SMPD3: variants seen among roughly 807,000 people sequenced by gnomAD.
SMPD3 encodes sphingomyelin phosphodiesterase 3, also known as nSMase-2.
A neutral mutation model predicts 55.7 loss-of-function variants in SMPD3; 21 were observed. The ratio of observed to expected loss-of-function variants is 0.38; its 90% confidence interval spans 0.27 to 0.54. The LOEUF (loss-of-function observed/expected upper bound fraction) is 0.54. Among genes scored for constraint, SMPD3 ranks in the 20% least tolerant of loss-of-function variants. The pLI, the probability that SMPD3 is intolerant of heterozygous loss-of-function variation, is 0.80. For missense variants in SMPD3, 842 were observed against 899.6 expected, an observed-to-expected ratio of 0.94 and a Z score of 0.82; for synonymous variants, 457 against 404.3, an observed-to-expected ratio of 1.13 and a Z score of -1.56.
intron 2 of SMPD3, among the ~76,000 whole-genome samples, chr16:68,374,089 C>A (rs551464185): frequency 1.3e-5 from 2 of 152,348 alleles, no homozygotes; most frequent in East Asian, 3.9e-4. Context: ...CAGCAGACCG[C>A]AAGCTTCAGG....
intron 3 of SMPD3, chr16:68,368,806 C>T (rs60507739): frequency 0.018 from 2,700 of 152,266 alleles, 109 homozygotes; most frequent in African/African-American, 0.061. Flanking sequence ...AACCCCACTG[C>T]GGGGCAGCCA....
At chr16:68,435,076 T>C (rs2090511789) in intron 1 of SMPD3, among the ~76,000 whole-genome samples, 1 of 152,078 alleles carries the variant, frequency 6.6e-6, no homozygotes, top group South Asian at 2.1e-4. Flanking sequence ...TCATCACTAC[T>C]ACCTGTGTTT....
At chr16:68,419,497 C>CAG (rs1429877058) in intron 1 of SMPD3, among the ~76,000 whole-genome samples, 1 of 152,192 alleles carries the variant, frequency 6.6e-6, no homozygotes, top group Non-Finnish European at 1.5e-5. Context: ...AACGCCTAGC[C>CAG]AGAGGGATGG....
At chr16:68,361,401 G>A in intron 8 of SMPD3, 94 bp from the exon 9 acceptor site, 1 of 1,392,172 alleles carries the variant, frequency 7.2e-7, no homozygotes, top group Non-Finnish European at 9.9e-7. Context: ...GAGGCCCCGG[G>A]GCTGGGGTGG....
rs766355838 is a variant in SMPD3, at chr16:68,371,477, G to A, written c.705C>T (p.Asp235=). The change falls in exon 3 of 9, where the codon GAC becomes GAT. Residue 235 remains aspartate, a synonymous_variant. Transcript: ENST00000219334. ...TGCAGGCATCCTCCGGGCTGCTGCT[G>A]TCGACAGGGTCCCCAGAGGCTGGGC... The part of the protein sequence containing the change: ...ANGPASGDPV[D]SSSPEDACIV... The A allele has an allele frequency of 4.6e-5, 73 of 1,598,238 alleles. No homozygotes were observed. The highest frequency in any genetic ancestry group is 5.9e-5 in the Non-Finnish European group (69 of 1,179,486).
At chr16:68,408,698 A>G (rs2090272392) in intron 1 of SMPD3, among the ~76,000 whole-genome samples, 2 of 152,200 alleles carry the variant, frequency 1.3e-5, no homozygotes, top group Admixed American at 1.3e-4. Context: ...GTCTGCCCAG[A>G]CAGTGCCTGG....
chr16:68,417,366 C>T (rs1176209916), intron 1 of SMPD3, among the ~76,000 whole-genome samples: 1 of 152,182 alleles, frequency 6.6e-6, no homozygotes. Context: ...CCCGACTCAG[C>T]TAAGAGGGGC....
At chr16:68,418,217 C>A (rs766095039) in intron 1 of SMPD3, among the ~76,000 whole-genome samples, 1 of 152,048 alleles carries the variant, frequency 6.6e-6, no homozygotes, top group Non-Finnish European at 1.5e-5. Flanking sequence ...TCACAGCAGA[C>A]GGTGTGCCGC....
At position 68,364,828 on chromosome 16, in the gene SMPD3, G is replaced by A; in HGVS notation, c.1478C>T (p.Ser493Phe). The A allele has an allele frequency of 6.2e-7, 1 of 1,613,902 alleles. No individual in the cohort carries two copies. Among genetic ancestry groups the A allele is most frequent in the Non-Finnish European group, 8.5e-7 (1 of 1,180,024 alleles). Reference sequence around the variant, plus strand: ...CAGCTCCTCGGGGTTGGCTGCGCTGGACGAGGAGGTAGATTTTCGGAAATC... The same window carrying A: ...CAGCTCCTCGGGGTTGGCTGCGCTGAACGAGGAGGTAGATTTTCGGAAATC... ...LADFRKSTSS[S>F]SAANPEELVA... The change falls in exon 5 of 9, where the codon TCC (serine) becomes TTC (phenylalanine). Residue 493 changes from serine to phenylalanine, a missense_variant. Ser to Phe is a radical substitution (Grantham distance 155). Coordinates refer to ENST00000219334, the MANE Select transcript of SMPD3 (RefSeq NM_018667.4).
At chr16:68,402,322 C>T (rs2090216312) in intron 1 of SMPD3, among the ~76,000 whole-genome samples, 1 of 152,108 alleles carries the variant, frequency 6.6e-6, no homozygotes, top group Admixed American at 6.5e-5. Flanking sequence ...CATCTGGGTG[C>T]TGAGGGCCAG....
At chr16:68,435,164 T>A (rs1370170892) in intron 1 of SMPD3, among the ~76,000 whole-genome samples, 1 of 152,110 alleles carries the variant, frequency 6.6e-6, no homozygotes, top group Non-Finnish European at 1.5e-5. Flanking sequence ...CTGGCAGGGA[T>A]GAACTCTTTG....
rs1567814257 is a variant in SMPD3, at chr16:68,447,838, C to T, written c.-269+515G>A. 6.6e-6 allele frequency among the ~76,000 whole-genome samples: 1 copy of T among 152,126 alleles called. No homozygotes were observed. Among genetic ancestry groups the T allele is most frequent in the Non-Finnish European group, 1.5e-5 (1 of 67,994 alleles). On this transcript the variant is annotated intron_variant, in intron 1 of 8. Coordinates refer to ENST00000219334, the MANE Select transcript of SMPD3 (RefSeq NM_018667.4). This position sits in a 1 kb window ranked among gnomAD's most constrained non-coding sequence, Gnocchi z 5.1. The stretch of plus-strand genomic sequence containing the variant: ...GGGGGGCGAGTGTGGAGGAAGGGGC[C>T]TGGGCAAGGGTCTTCCCTGCATCCC...
At position 68,364,871 on chromosome 16, in the gene SMPD3, G is replaced by T. The variant is rs2089428074; in HGVS notation, c.1435C>A (p.Leu479Ile). Reference sequence around the variant, plus strand: ...CGGAAATCAGCCAGCCAGTCCTGAAGCAGGTCCAGCTGCCCACACCGGATG... The same window carrying T: ...CGGAAATCAGCCAGCCAGTCCTGAATCAGGTCCAGCTGCCCACACCGGATG... ...SAIRCGQLDL[L>I]QDWLADFRKS... The change falls in exon 5 of 9, where the codon CTT becomes ATT. Residue 479 changes from leucine to isoleucine, a missense_variant. Transcript: ENST00000219334. 1.1e-5 allele frequency: 17 copies of T among 1,613,974 alleles called. No individual in the cohort carries two copies. Among genetic ancestry groups the T allele is most frequent in the Non-Finnish European group, 1.4e-5 (17 of 1,180,002 alleles).
At chr16:68,439,639 A>T (rs1477037243) in intron 1 of SMPD3, among the ~76,000 whole-genome samples, 1 of 152,144 alleles carries the variant, frequency 6.6e-6, no homozygotes, top group Non-Finnish European at 1.5e-5. Context: ...TGTAGGACTA[A>T]TCTGAGTATT....
At position 68,361,737 on chromosome 16, in the gene SMPD3, G is replaced by A. The variant is rs759814899; in HGVS notation, c.1732C>T (p.Arg578Cys). 46 of 1,612,710 alleles carry A rather than the reference G, an allele frequency of 2.9e-5. 1 individual carries two copies. The highest frequency in any genetic ancestry group is 9.9e-5 in the South Asian group (9 of 91,076). ...GTGGGAAACGCCAGGTACTCCCTGC[G>A]GCCCTCCTCACTCTCCAGGACCCTG... ...LQKVLESEEG[R>C]REYLAFPTSK... Residue 578 changes from arginine to cysteine, a missense_variant, in exon 8 of 9, where the codon CGC becomes TGC. Physicochemically the swap from Arg to Cys is radical, Grantham distance 180. Transcript: ENST00000219334.
intron 1 of SMPD3, among the ~76,000 whole-genome samples, chr16:68,389,944 A>T (rs2090096339): frequency 6.6e-6 from 1 of 152,272 alleles, no homozygotes; most frequent in South Asian, 2.1e-4. Context: ...ATTAGAGAAG[A>T]AACAGAAGGA....
At chr16:68,434,886 G>A (rs767298011) in intron 1 of SMPD3, among the ~76,000 whole-genome samples, 1 of 152,118 alleles carries the variant, frequency 6.6e-6, no homozygotes, top group Non-Finnish European at 1.5e-5. Context: ...GGTTTTAAAG[G>A]CCCTATGTTG....
chr16:68,417,451 C>G (rs937205004), intron 1 of SMPD3, among the ~76,000 whole-genome samples: 2 of 152,216 alleles, frequency 1.3e-5, no homozygotes, highest in Non-Finnish European at 2.9e-5. Flanking sequence ...TGACAAAGCC[C>G]CCTCAATTGT....
intron 1 of SMPD3, among the ~76,000 whole-genome samples, chr16:68,419,393 GA>G (rs1465603393): frequency 6.6e-6 from 1 of 152,214 alleles, no homozygotes; most frequent in Admixed American, 6.5e-5. Flanking sequence ...GCCAGTGCGG[GA>G]GAAACAGGTG....
Sources: gnomAD v4.1 joint callset for allele counts (sites outside exome capture counted in the v4.1 genomes callset) on GRCh38, gnomAD v4.1.1 for gene constraint, Gnocchi (gnomAD v3.1) non-coding constraint, MANE v1.5 for transcripts, NCBI Gene and HGNC (gene_info 2026-07-23, HGNC 2026-07-21) for gene names.